CCDC73: variants seen among roughly 807,000 people sequenced by gnomAD.
CCDC73 encodes coiled-coil domain-containing protein 73.
CCDC73 carries 95 observed loss-of-function variants against 116.5 expected under a neutral mutation model. The observed-to-expected ratio is 0.82, with a 90% CI of 0.69 to 0.97. CCDC73 has a LOEUF of 0.97. CCDC73 is among the 50% of genes least tolerant of loss of function. CCDC73 has a pLI of 0.00. For missense variants in CCDC73, 1,066 were observed against 1,206.8 expected, an observed-to-expected ratio of 0.88 and a Z score of 1.73; for synonymous variants, 398 against 401.3, an observed-to-expected ratio of 0.99 and a Z score of 0.10.
rs1855656584 is a variant in CCDC73, at chr11:32,633,996, A to T, written c.1185+1700T>A. ...TTAACTCTTTCCTGCACACCAACAT[A>T]AGAAGAAATGAGAATCTGAATAGCC... On this transcript the variant is annotated intron_variant, in intron 14 of 17. Coordinates refer to ENST00000335185, the MANE Select transcript of CCDC73 (RefSeq NM_001008391.4). Among the ~76,000 whole-genome samples, 4 of 152,304 alleles carry T rather than the reference A, an allele frequency of 2.6e-5. No individual in the cohort carries two copies. The South Asian group carries it at 8.3e-4, about 32-fold the overall frequency.
At chr11:32,760,384 G>T in intron 1 of CCDC73, 126 bp from the exon 2 acceptor site, 1 of 570,706 alleles carries the variant, frequency 1.8e-6, no homozygotes, top group Non-Finnish European at 3.0e-6. Flanking sequence ...AATAACAGTT[G>T]TGTCATCACT....
Position 32,613,675 on chromosome 11 carries a change from G to T in CCDC73, c.2643C>A (p.Ser881Arg). ...IEPSGDLVNR[S>R]GRSTFDLSTS... ...TTGAAAGATCAAAGGTTGACCTTCC[G>T]CTTCTGTTTACTAAATCTCCAGATG... Residue 881 changes from serine (S) to arginine (R), a missense_variant, in exon 16 of 18, where the codon AGC (serine) becomes AGA (arginine). Physicochemically the swap from Ser to Arg is moderately radical, Grantham distance 110. Transcript: ENST00000335185. 6.2e-7 allele frequency: 1 copy of T among 1,613,982 alleles called. No individual in the cohort carries two copies. The highest frequency in any genetic ancestry group is 8.5e-7 in the Non-Finnish European group (1 of 1,179,960).
At chr11:32,656,100 C>T (rs1284660363) in intron 9 of CCDC73, among the ~76,000 whole-genome samples, 14 of 147,754 alleles carry the variant, frequency 9.5e-5, no homozygotes, top group African/African-American at 3.0e-4. Context: ...TTTTTTGAGA[C>T]GGCGTCTTGC....
chr11:32,642,987 T>G (rs931472479), intron 12 of CCDC73, among the ~76,000 whole-genome samples: 2 of 151,566 alleles, frequency 1.3e-5, no homozygotes, highest in African/African-American at 4.8e-5. Context: ...ACGTAAAATA[T>G]ATATATATTT....
chr11:32,700,254 ATG>A (rs1849800592), intron 5 of CCDC73, among the ~76,000 whole-genome samples: 1 of 152,176 alleles, frequency 6.6e-6, no homozygotes, highest in Non-Finnish European at 1.5e-5. Flanking sequence ...ATTATTATTA[ATG>A]GTATGTTCAT....
chr11:32,801,151 G>C, the CCDC73 span, among the ~76,000 whole-genome samples: 9 of 152,266 alleles, frequency 5.9e-5, no homozygotes, highest in African/African-American at 2.2e-4. Flanking sequence ...ACTACTTAAA[G>C]GGAGAAAAAT....
the CCDC73 span, among the ~76,000 whole-genome samples, chr11:32,825,416 C>T: frequency 0.2 from 30,642 of 150,578 alleles, 3,428 homozygotes; most frequent in East Asian, 0.55. Flanking sequence ...GATTCTGCTA[C>T]CTCAGTCTCC....
At chr11:32,825,253 C>T in the CCDC73 span, among the ~76,000 whole-genome samples, 12 of 149,170 alleles carry the variant, frequency 8.0e-5, no homozygotes, top group East Asian at 1.4e-3. Context: ...CTTTCAGTAC[C>T]GACAACATTA....
At chr11:32,785,796 C>T (rs936752935) in intron 1 of CCDC73, among the ~76,000 whole-genome samples, 3 of 147,550 alleles carry the variant, frequency 2.0e-5, no homozygotes, top group African/African-American at 7.5e-5. Context: ...CTTCCTATAA[C>T]AGAATCCACA....
At chr11:32,816,838 C>A in the CCDC73 span, among the ~76,000 whole-genome samples, 1 of 152,076 alleles carries the variant, frequency 6.6e-6, no homozygotes, top group Non-Finnish European at 1.5e-5. Flanking sequence ...GGCTAGAGTT[C>A]AATGGCGCGA....
intron 2 of CCDC73, among the ~76,000 whole-genome samples, chr11:32,750,120 T>G (rs1216853122): frequency 6.6e-6 from 1 of 152,216 alleles, no homozygotes; most frequent in African/African-American, 2.4e-5. Context: ...TCCGCCTGCC[T>G]CAGCCTCCCA....
intron 3 of CCDC73, among the ~76,000 whole-genome samples, chr11:32,717,436 C>T (rs955877145): frequency 7.2e-5 from 11 of 152,154 alleles, no homozygotes; most frequent in African/African-American, 2.7e-4. Context: ...TCCCCTATAA[C>T]ACACAATGTG....
chr11:32,710,182 A>G (rs113116622), intron 3 of CCDC73, among the ~76,000 whole-genome samples: 4,408 of 152,020 alleles, frequency 0.029, 80 homozygotes, highest in Non-Finnish European at 0.039. Flanking sequence ...TCTTGTTTCA[A>G]TTTCACTTAG....
rs984533455 is a variant in CCDC73, at chr11:32,659,980, C to A, written c.646-5008G>T. Among the ~76,000 whole-genome samples the A allele has an allele frequency of 2.0e-5, 3 of 152,142 alleles. No individual in the cohort carries two copies. The East Asian group carries it at 5.8e-4, about 29-fold the overall frequency. On this transcript the variant is annotated intron_variant, in intron 9 of 17. Coordinates refer to ENST00000335185, the MANE Select transcript of CCDC73 (RefSeq NM_001008391.4). ...TTGGATCACATGCTCATTCCTGAACCAAACACTGCCATGAGGAATAGAGTA... is the reference window on the plus strand; with the variant it reads ...TTGGATCACATGCTCATTCCTGAACAAAACACTGCCATGAGGAATAGAGTA...
chr11:32,796,893 T>C (rs759459017), upstream of CCDC73, among the ~76,000 whole-genome samples: 2 of 150,232 alleles, frequency 1.3e-5, no homozygotes, highest in Non-Finnish European at 2.9e-5. Flanking sequence ...GCCTGTGTAA[T>C]CCCAGCTGCT....
intron 9 of CCDC73, among the ~76,000 whole-genome samples, chr11:32,668,162 C>T (rs1856005174): frequency 6.6e-6 from 1 of 152,218 alleles, no homozygotes; most frequent in Non-Finnish European, 1.5e-5. Context: ...TCAAGGGATT[C>T]TGTAATTGCT....
intron 11 of CCDC73, 49 bp downstream of exon 11, chr11:32,653,929 C>T (rs1200813941): frequency 1.3e-6 from 2 of 1,562,394 alleles, no homozygotes; most frequent in Admixed American, 2.0e-5. Context: ...TACATTTTAT[C>T]TGATTTTTAG....
intron 14 of CCDC73, among the ~76,000 whole-genome samples, chr11:32,628,954 T>C (rs1388855934): frequency 2.6e-5 from 4 of 151,926 alleles, no homozygotes; most frequent in Non-Finnish European, 5.9e-5. Flanking sequence ...AGAGAAAAAT[T>C]TTAAATCCCA....
At chr11:32,738,869 T>G (rs12805601) in intron 2 of CCDC73, among the ~76,000 whole-genome samples, 8 of 152,176 alleles carry the variant, frequency 5.3e-5, no homozygotes, top group African/African-American at 9.7e-5. Flanking sequence ...TTTGGTTTTG[T>G]TTTTGTATAC....
Sources: gnomAD v4.1 joint callset for allele counts (sites outside exome capture counted in the v4.1 genomes callset) on GRCh38, gnomAD v4.1.1 for gene constraint, MANE v1.5 for transcripts, NCBI Gene and HGNC (gene_info 2026-07-23, HGNC 2026-07-21) for gene names.